EFNA4: variants seen among roughly 807,000 people sequenced by gnomAD.
The protein encoded by EFNA4 is ephrin A4.
EFNA4 carries 22 observed loss-of-function variants against 23.7 expected under a neutral mutation model. The observed-to-expected ratio is 0.93, with a 90% confidence interval of 0.66 to 1.32. EFNA4 has a LOEUF of 1.32. Ranked by LOEUF, EFNA4 falls within the 40% of genes most tolerant of loss-of-function variation. The probability of loss-of-function intolerance (pLI) is 0.00; values close to 1 mark genes in which losing one functional copy is unlikely to be tolerated. For synonymous variants in EFNA4, 113 were observed against 108.3 expected, an observed-to-expected ratio of 1.04 and a Z score of -0.27; for missense variants, 252 against 252.3, an observed-to-expected ratio of 1.00 and a Z score of 0.01.
At position 155,069,021 on chromosome 1, in the gene EFNA4, G is replaced by C. The variant is rs779807669; in HGVS notation, c.*32G>C. ...CAGACCTTCCCTCTCATCCCAAGGA[G>C]CCAGAGTCCTCCCAAGATCCCCTGG... is the stretch of plus-strand genomic sequence containing the variant. On this transcript the variant is annotated 3_prime_UTR_variant, in exon 4 of 4. Coordinates refer to ENST00000368409, the MANE Select transcript of EFNA4 (RefSeq NM_005227.3). 1 of 1,612,968 alleles carries C rather than the reference G, an allele frequency of 6.2e-7. No homozygotes were observed. Among genetic ancestry groups the C allele is most frequent in the Non-Finnish European group, 8.5e-7 (1 of 1,179,384 alleles).
intron 1 of EFNA4, among the ~76,000 whole-genome samples, chr1:155,064,883 ACT>A (rs1662967943): frequency 6.6e-6 from 1 of 152,218 alleles, no homozygotes; most frequent in Admixed American, 6.5e-5. Context: ...GATTCCACAG[ACT>A]CTCTGGAGAA....
intron 1 of EFNA4, 138 bp from the exon 2 acceptor site, chr1:155,066,592 C>T (rs1284374410): frequency 5.9e-6 from 6 of 1,017,864 alleles, no homozygotes; most frequent in Non-Finnish European, 7.0e-6. Context: ...CTGGGAACCT[C>T]GGGCCTTCCT....
At chr1:155,068,346 A>G (rs1488703746) in intron 3 of EFNA4, among the ~76,000 whole-genome samples, 3 of 137,244 alleles carry the variant, frequency 2.2e-5, no homozygotes, top group Admixed American at 1.5e-4. Context: ...GCTTACTTCA[A>G]CCTCACCCTC....
intron 3 of EFNA4, 70 bp from the exon 4 acceptor site, chr1:155,068,783 T>C: frequency 6.7e-7 from 1 of 1,491,362 alleles, no homozygotes; most frequent in Non-Finnish European, 9.0e-7. Context: ...AGGGAACTGC[T>C]AATGGGAAGG....
At chr1:155,068,426 G>GTTTTT (rs1571654990) in intron 3 of EFNA4, among the ~76,000 whole-genome samples, 2 of 28,804 alleles carry the variant, frequency 6.9e-5, no homozygotes, top group African/African-American at 2.0e-4. Flanking sequence ...CCACCCAGCT[G>GTTTTT]ATTTTTTTTT....
rs1488203268 is a variant in EFNA4, at chr1:155,063,973, CTGCGCGCTCCCGGGCTT to C, written c.113+45_113+61del. Reference sequence around the variant, plus strand: ...GAACCGGGCGAGCGCACAGCCAAGTCTGCGCGCTCCCGGGCTTTGCGCGCGCCCGCCACCCGCTCTTT... The same window carrying C: ...GAACCGGGCGAGCGCACAGCCAAGTCTGCGCGCGCCCGCCACCCGCTCTTT... On this transcript the variant is annotated intron_variant, in intron 1 of 3. Coordinates refer to ENST00000368409, the MANE Select transcript of EFNA4 (RefSeq NM_005227.3). This position sits in a 1 kb window ranked among gnomAD's most constrained non-coding sequence, Gnocchi z 4.1. 24 of 1,498,444 alleles carry C rather than the reference CTGCGCGCTCCCGGGCTT, an allele frequency of 1.6e-5. No individual in the cohort carries two copies. The East Asian group carries it at 5.5e-4, about 35-fold the overall frequency. The allele number at this position is 1,498,444 out of a possible 1,614,324, so 92.8% of individuals were successfully genotyped here.
chr1:155,063,832 G>C lies in EFNA4; in HGVS notation c.9G>C (p.Leu3=). 1 of 1,533,158 alleles carries C rather than the reference G, an allele frequency of 6.5e-7. No homozygotes were observed. Among genetic ancestry groups the C allele is most frequent in the Admixed American group, 2.0e-5 (1 of 49,212 alleles). The allele number at this position is 1,533,158 out of a possible 1,614,324, so 95.0% of individuals were successfully genotyped here. ...ACCGGACCTCGGGGGCGATGCGGCT[G>C]CTGCCCCTGCTGCGGACTGTCCTCT... MR[L]LPLLRTVLWA... Residue 3 remains leucine (L), a synonymous_variant, in exon 1 of 4, where the codon CTG becomes CTC. Transcript: ENST00000368409. This position sits in a 1 kb window ranked among gnomAD's most constrained non-coding sequence, Gnocchi z 4.1.
rs567168153 is a variant in EFNA4, at chr1:155,069,008, C to G, written c.*19C>G. 2 of 1,613,574 alleles carry G rather than the reference C, an allele frequency of 1.2e-6. No individual in the cohort carries two copies. Among genetic ancestry groups the G allele is most frequent in the Admixed American group, 1.7e-5 (1 of 59,926 alleles). ...TCTGTGAGCCAAGCAGACCTTCCCT[C>G]TCATCCCAAGGAGCCAGAGTCCTCC... On this transcript the variant is annotated 3_prime_UTR_variant, in exon 4 of 4. Coordinates refer to ENST00000368409, the MANE Select transcript of EFNA4 (RefSeq NM_005227.3).
chr1:155,069,230 G>T lies in EFNA4; in HGVS notation c.*241G>T. ...AAGCAGAGGCAAGACAAACACAGGC[G>T]CTTTGCAGGCTGCTCTGAGGGTCTC... On this transcript the variant is annotated 3_prime_UTR_variant, in exon 4 of 4. Transcript: ENST00000368409. 1 of 1,519,914 alleles carries T rather than the reference G, an allele frequency of 6.6e-7. No individual in the cohort carries two copies. Among genetic ancestry groups the T allele is most frequent in the Non-Finnish European group, 8.8e-7 (1 of 1,140,648 alleles). 94.2% of individuals were successfully genotyped at this position (1,519,914 alleles called of 1,614,324 possible). A position where few individuals can be genotyped will look rare whatever the true frequency, so the allele number is the denominator to read the frequency against.
chr1:155,064,346 G>T (rs1448482385), intron 1 of EFNA4, among the ~76,000 whole-genome samples: 4 of 152,200 alleles, frequency 2.6e-5, no homozygotes, highest in Non-Finnish European at 4.4e-5. Flanking sequence ...TCTCCTGCCC[G>T]CTGGGTCTCA....
At position 155,069,300 on chromosome 1, in the gene EFNA4, C is replaced by A; in HGVS notation, c.*311C>A. 8.8e-7 allele frequency: 1 copy of A among 1,133,026 alleles called. No homozygotes were observed. Among genetic ancestry groups the A allele is most frequent in the Non-Finnish European group, 1.2e-6 (1 of 830,764 alleles). The allele number at this position is 1,133,026 out of a possible 1,614,324, so 70.2% of individuals were successfully genotyped here. On this transcript the variant is annotated 3_prime_UTR_variant, in exon 4 of 4. Coordinates refer to ENST00000368409, the MANE Select transcript of EFNA4 (RefSeq NM_005227.3). Reference sequence around the variant, plus strand: ...CTGGGATTTGGTATGATCAAATCCTCAAGCCAGCTGGGGGCCCAGGCTGAA... The same window carrying A: ...CTGGGATTTGGTATGATCAAATCCTAAAGCCAGCTGGGGGCCCAGGCTGAA...
chr1:155,066,405 G>T (rs1663046296), intron 1 of EFNA4, among the ~76,000 whole-genome samples: 1 of 152,196 alleles, frequency 6.6e-6, no homozygotes, highest in African/African-American at 2.4e-5. Flanking sequence ...TGAGTGTTGG[G>T]CACTGGAGCT....
Position 155,066,790 on chromosome 1 carries a change from C to T in EFNA4, c.174C>T (p.Cys58=). The T allele has an allele frequency of 6.2e-7, 1 of 1,611,778 alleles. No homozygotes were observed. ...LGLNDYLDIV[C]PHYEGPGPPE... ...TCAACGATTACCTAGACATTGTCTG[C>T]CCCCACTACGAAGGCCCAGGGCCCC... The change falls in exon 2 of 4, where the codon TGC becomes TGT. Residue 58 remains cysteine (C), a synonymous_variant. Coordinates refer to ENST00000368409, the MANE Select transcript of EFNA4 (RefSeq NM_005227.3).
At chr1:155,066,441 T>C (rs1252368449) in intron 1 of EFNA4, among the ~76,000 whole-genome samples, 1 of 152,214 alleles carries the variant, frequency 6.6e-6, no homozygotes, top group Non-Finnish European at 1.5e-5. Flanking sequence ...AGCTCCAGCC[T>C]GTAGGACAGG....
rs1384413083 is a variant in EFNA4, at chr1:155,069,000, C to T, written c.*11C>T. On this transcript the variant is annotated 3_prime_UTR_variant, in exon 4 of 4. Transcript: ENST00000368409. ...CTGCGAATTCTGTGAGCCAAGCAGA[C>T]CTTCCCTCTCATCCCAAGGAGCCAG... 6.2e-7 allele frequency: 1 copy of T among 1,613,312 alleles called. No individual in the cohort carries two copies. The highest frequency in any genetic ancestry group is 2.2e-5 in the East Asian group (1 of 44,880).
Position 155,063,816 on chromosome 1 carries a change from C to T in EFNA4, c.-8C>T, listed in dbSNP as rs746766754. The T allele has an allele frequency of 1.3e-6, 2 of 1,518,468 alleles. No individual in the cohort carries two copies. Among genetic ancestry groups the T allele is most frequent in the African/African-American group, 1.4e-5 (1 of 69,766 alleles). 94.1% of individuals were successfully genotyped at this position (1,518,468 alleles called of 1,614,324 possible). Reference sequence around the variant, plus strand: ...TGCCAGGCCAGACCAAACCGGACCTCGGGGGCGATGCGGCTGCTGCCCCTG... The same window carrying T: ...TGCCAGGCCAGACCAAACCGGACCTTGGGGGCGATGCGGCTGCTGCCCCTG... On this transcript the variant is annotated 5_prime_UTR_variant, in exon 1 of 4. Coordinates refer to ENST00000368409, the MANE Select transcript of EFNA4 (RefSeq NM_005227.3). This position sits in a 1 kb window ranked among gnomAD's most constrained non-coding sequence, Gnocchi z 4.1.
In EFNA4 at chr1:155,066,903, G is replaced by A. The variant is rs749698866; in HGVS notation, c.287G>A (p.Arg96His). The A allele has an allele frequency of 3.7e-6, 6 of 1,614,156 alleles. No individual in the cohort carries two copies. The highest frequency in any genetic ancestry group is 5.1e-6 in the Non-Finnish European group (6 of 1,180,040). The change falls in exon 2 of 4, where the codon CGC becomes CAC. Residue 96 changes from arginine (R) to histidine (H), a missense_variant. Transcript: ENST00000368409. ...CQAEGPRAYK[R>H]WVCSLPFGHV... ...GCAGAGGGCCCCCGGGCCTACAAGCGCTGGGTGTGCTCCCTGCCCTTTGGC... is the reference window on the plus strand; with the variant it reads ...GCAGAGGGCCCCCGGGCCTACAAGCACTGGGTGTGCTCCCTGCCCTTTGGC...
At position 155,067,782 on chromosome 1, in the gene EFNA4, C is replaced by T. The variant is rs555146341; in HGVS notation, c.469+342C>T. ...GACTACAGGCACCCGCCACCACACCCGGCTAATTTTTTGTATTTTTAGTAG... is the reference window on the plus strand; with the variant it reads ...GACTACAGGCACCCGCCACCACACCTGGCTAATTTTTTGTATTTTTAGTAG... On this transcript the variant is annotated intron_variant, in intron 3 of 3. Transcript: ENST00000368409. 1.9e-4 allele frequency among the ~76,000 whole-genome samples: 29 copies of T among 151,930 alleles called. No homozygotes were observed. The South Asian group carries it at 5.6e-3, about 30-fold the overall frequency.
In EFNA4 at chr1:155,066,957, G is replaced by C. The variant is rs775247787; in HGVS notation, c.341G>C (p.Arg114Pro). ...GHVQFSEKIQRFTPFSLGFEF... is the reference protein window; with the variant it reads ...GHVQFSEKIQPFTPFSLGFEF... The stretch of plus-strand genomic sequence containing the variant: ...GTTCAATTCTCAGAGAAGATTCAGC[G>C]CTTCACACCCTTCTCCCTCGGCTTT... Residue 114 changes from arginine to proline, a missense_variant, in exon 2 of 4, where the codon CGC becomes CCC. Physicochemically the swap from Arg to Pro is moderately radical, Grantham distance 103. Transcript: ENST00000368409. 1 of 1,614,058 alleles carries C rather than the reference G, an allele frequency of 6.2e-7. No homozygotes were observed. Among genetic ancestry groups the C allele is most frequent in the Non-Finnish European group, 8.5e-7 (1 of 1,180,000 alleles).
Sources: gnomAD v4.1 joint callset for allele counts (sites outside exome capture counted in the v4.1 genomes callset) on GRCh38, gnomAD v4.1.1 for gene constraint, Gnocchi (gnomAD v3.1) non-coding constraint, MANE v1.5 for transcripts, NCBI Gene and HGNC (gene_info 2026-07-23, HGNC 2026-07-21) for gene names.